Variants in PEX5L observed in about 807,000 individuals in gnomAD.
PEX5L encodes the protein peroxisomal biogenesis factor 5 like.
In PEX5L, 30 loss-of-function variants were observed where a neutral mutation model predicts 84.0. The observed-to-expected ratio is 0.36, with a 90% CI of 0.27 to 0.48. The LOEUF (loss-of-function observed/expected upper bound fraction) is 0.48. Ranked by LOEUF, PEX5L falls within the 20% of genes least tolerant of loss-of-function variation. The probability of loss-of-function intolerance (pLI) is 0.99; values close to 1 mark genes in which losing one functional copy is unlikely to be tolerated. For missense variants in PEX5L, 533 were observed against 754.6 expected (o/e 0.71, Z 3.44); for synonymous variants, 270 against 283.1 (o/e 0.95, Z 0.46).
chr3:180,018,085 G>C (rs563680855), intron 1 of PEX5L, among the ~76,000 whole-genome samples: 2 of 152,268 alleles, frequency 1.3e-5, no homozygotes, highest in African/African-American at 4.8e-5. Context: ...TATTATGGTT[G>C]TACAGTGTGT....
In PEX5L at chr3:179,795,947, A is replaced by ACAT. The variant is rs1018572606; in HGVS notation, c.*5878_*5880dup. ...GTTTGGGTTAGATGATATATAGGGA[A>ACAT]CATGAAAGGAAGTTGGTAAAAACTT... is the stretch of plus-strand genomic sequence containing the variant. On this transcript the variant is annotated 3_prime_UTR_variant, in exon 15 of 15. Coordinates refer to ENST00000467460, the MANE Select transcript of PEX5L (RefSeq NM_016559.3). 1 of 152,078 alleles carries ACAT rather than the reference A, an allele frequency of 6.6e-6. No individual in the cohort carries two copies. The highest frequency in any genetic ancestry group is 1.5e-5 in the Non-Finnish European group (1 of 67,976). The allele number at this position is 152,078 out of a possible 1,614,324, so 9.4% of individuals were successfully genotyped here.
chr3:179,933,519 T>A (rs13093050), intron 2 of PEX5L, among the ~76,000 whole-genome samples: 15,494 of 152,246 alleles, frequency 0.1, 1,077 homozygotes, highest in Non-Finnish European at 0.16. Context: ...TTAACTGAAT[T>A]TTTAAAATTC....
intron 2 of PEX5L, among the ~76,000 whole-genome samples, chr3:179,906,542 G>T (rs865827385): frequency 1.6e-4 from 24 of 152,174 alleles, no homozygotes; most frequent in African/African-American, 5.6e-4. Flanking sequence ...AGTAAATGTA[G>T]AAAGATATGT....
At chr3:179,860,453 C>T (rs537042283) in intron 7 of PEX5L, among the ~76,000 whole-genome samples, 2 of 152,348 alleles carry the variant, frequency 1.3e-5, no homozygotes, top group Middle Eastern at 3.4e-3. Flanking sequence ...CTTGAACAGG[C>T]CTGGGCCCCA....
At chr3:179,839,487 G>T (rs1736224087) in intron 8 of PEX5L, among the ~76,000 whole-genome samples, 1 of 152,176 alleles carries the variant, frequency 6.6e-6, no homozygotes, top group Non-Finnish European at 1.5e-5. Flanking sequence ...AAATAAGACA[G>T]AAATGTCCAA....
chr3:179,915,218 T>C (rs1353392513), intron 2 of PEX5L, among the ~76,000 whole-genome samples: 1 of 152,202 alleles, frequency 6.6e-6, no homozygotes, highest in Non-Finnish European at 1.5e-5. Flanking sequence ...AACTTTGATA[T>C]AGCAGAAGCA....
chr3:180,024,269 G>T (rs1790698174), intron 1 of PEX5L, among the ~76,000 whole-genome samples: 1 of 149,600 alleles, frequency 6.7e-6, no homozygotes. Context: ...CGGCACTTTG[G>T]GAGGCCGAGG....
chr3:179,918,881 C>A lies in PEX5L; in HGVS notation c.94-20635G>T, dbSNP rs1194190443. 2.6e-5 allele frequency among the ~76,000 whole-genome samples: 4 copies of A among 152,140 alleles called. No individual in the cohort carries two copies. In the East Asian group the frequency reaches 7.7e-4, roughly 29 times the overall value. On this transcript the variant is annotated intron_variant, in intron 2 of 14. Transcript: ENST00000467460. The stretch of plus-strand genomic sequence containing the variant: ...GATACTCCTGTGACACATCCACAGA[C>A]AGCAGAGAATAAAAGAAAAGGGTTC...
At chr3:179,817,121 AT>A (rs1212975562) in intron 9 of PEX5L, among the ~76,000 whole-genome samples, 2 of 152,092 alleles carry the variant, frequency 1.3e-5, no homozygotes, top group Non-Finnish European at 2.9e-5. Context: ...ATAGCTAAGA[AT>A]TTTTTTGCCT....
chr3:180,033,297 G>T (rs1199025293), intron 1 of PEX5L, among the ~76,000 whole-genome samples: 1 of 152,146 alleles, frequency 6.6e-6, no homozygotes, highest in Non-Finnish European at 1.5e-5. Flanking sequence ...TCCCCAGACA[G>T]CTTGAATAAG....
intron 2 of PEX5L, among the ~76,000 whole-genome samples, chr3:179,968,731 G>C (rs201894609): frequency 0.17 from 23,957 of 144,662 alleles, 2,216 homozygotes; most frequent in Admixed American, 0.28. Context: ...GTCTGTGTGT[G>C]TCTGTGTGTC....
At chr3:180,034,363 T>C (rs1315893750) in intron 1 of PEX5L, among the ~76,000 whole-genome samples, 2 of 152,194 alleles carry the variant, frequency 1.3e-5, no homozygotes, top group African/African-American at 4.8e-5. Flanking sequence ...ATTCAGATTT[T>C]AATCATACAC....
intron 1 of PEX5L, among the ~76,000 whole-genome samples, chr3:179,998,099 C>T (rs1374572129): frequency 6.6e-6 from 1 of 152,198 alleles, no homozygotes; most frequent in Non-Finnish European, 1.5e-5. Context: ...ATAAATCTGA[C>T]TAAAATTCAG....
chr3:179,922,512 G>T, intron 2 of PEX5L, among the ~76,000 whole-genome samples: 1 of 149,920 alleles, frequency 6.7e-6, no homozygotes, highest in East Asian at 2.0e-4. Context: ...GCAGTGGCGC[G>T]GTCTCGGCTC....
At chr3:179,828,230 C>T (rs559070466) in intron 8 of PEX5L, among the ~76,000 whole-genome samples, 1 of 152,130 alleles carries the variant, frequency 6.6e-6, no homozygotes, top group Non-Finnish European at 1.5e-5. Flanking sequence ...CTGAGGTCTT[C>T]CTCCCCCTGG....
At chr3:179,991,788 C>T (rs1787402418) in intron 1 of PEX5L, among the ~76,000 whole-genome samples, 1 of 152,146 alleles carries the variant, frequency 6.6e-6, no homozygotes, top group African/African-American at 2.4e-5. Flanking sequence ...TCTCTTTCTC[C>T]CTGTCTCTCT....
chr3:179,947,082 C>T (rs988639622), intron 2 of PEX5L, among the ~76,000 whole-genome samples: 2 of 152,130 alleles, frequency 1.3e-5, no homozygotes, highest in Non-Finnish European at 2.9e-5. Context: ...TTAATGAGCA[C>T]AGCAGACATG....
chr3:179,955,978 A>G (rs915935291), intron 2 of PEX5L, among the ~76,000 whole-genome samples: 2 of 152,156 alleles, frequency 1.3e-5, no homozygotes, highest in Non-Finnish European at 2.9e-5. Flanking sequence ...AAAGTGATTC[A>G]TAACCCTAGG....
chr3:179,847,123 A>G (rs1474321371), intron 8 of PEX5L, among the ~76,000 whole-genome samples: 2 of 149,962 alleles, frequency 1.3e-5, no homozygotes, highest in African/African-American at 4.9e-5. Flanking sequence ...ACCCCACCCA[A>G]CCAATAGGAG....
Sources: gnomAD v4.1 joint callset for allele counts (sites outside exome capture counted in the v4.1 genomes callset) on GRCh38, gnomAD v4.1.1 for gene constraint, MANE v1.5 for transcripts, NCBI Gene and HGNC (gene_info 2026-07-23, HGNC 2026-07-21) for gene names.